HAPSTR1: variants seen among roughly 807,000 people sequenced by gnomAD.
HAPSTR1 encodes the protein HUWE1 associated protein modifying stress responses, also known as HUWE1-associated protein modifying stress responses 1.
the HAPSTR1 span, chr16:9,092,164 C>G: frequency 6.4e-7 from 1 of 1,569,322 alleles, no homozygotes; most frequent in East Asian, 2.3e-5. Flanking sequence ...AGCTGCCCCC[C>G]GAGCTGCAGG....
the HAPSTR1 span, among the ~76,000 whole-genome samples, chr16:9,116,085 A>G: frequency 1.3e-5 from 2 of 152,222 alleles, no homozygotes; most frequent in African/African-American, 4.8e-5. Context: ...TCCAGGGTAG[A>G]CTGACTTTGT....
At chr16:9,109,776 CAT>C in the HAPSTR1 span, 8 of 151,698 alleles carry the variant, frequency 5.3e-5, no homozygotes, top group African/African-American at 1.9e-4. Flanking sequence ...AATTTCAAAA[CAT>C]AAAGGAAAAA....
At chr16:9,116,850 T>A in the HAPSTR1 span, 1 of 1,614,170 alleles carries the variant, frequency 6.2e-7, no homozygotes. Context: ...AAAGCGTACC[T>A]CAGCCCAGTG....
At chr16:9,098,484 C>G in the HAPSTR1 span, among the ~76,000 whole-genome samples, 2 of 152,170 alleles carry the variant, frequency 1.3e-5, no homozygotes, top group Non-Finnish European at 1.5e-5. Flanking sequence ...TTTATTTTGG[C>G]TGTGACTTAG....
chr16:9,092,796 C>G, the HAPSTR1 span: 2 of 1,042,412 alleles, frequency 1.9e-6, no homozygotes, highest in Admixed American at 5.2e-5. Context: ...AACAAAATGG[C>G]GAAACCTAAT....
At chr16:9,103,211 T>C in the HAPSTR1 span, 1 of 1,614,214 alleles carries the variant, frequency 6.2e-7, no homozygotes, top group Non-Finnish European at 8.5e-7. Context: ...AACTAGCTCA[T>C]CTGTAGAGAC....
At chr16:9,101,601 G>A in the HAPSTR1 span, among the ~76,000 whole-genome samples, 1 of 152,026 alleles carries the variant, frequency 6.6e-6, no homozygotes, top group African/African-American at 2.4e-5. Flanking sequence ...CAATATCCTT[G>A]TTTTTCTTTG....
the HAPSTR1 span, among the ~76,000 whole-genome samples, chr16:9,098,673 A>C: frequency 3.0e-3 from 460 of 152,306 alleles, 1 homozygote; most frequent in African/African-American, 0.01. Flanking sequence ...CTCCCAAAAA[A>C]GAATAAAATA....
At chr16:9,119,509 A>G in the HAPSTR1 span, 1 of 152,218 alleles carries the variant, frequency 6.6e-6, no homozygotes, top group South Asian at 2.1e-4. Context: ...GGCAAGTTGA[A>G]GTTCATCCTT....
At chr16:9,098,965 A>T in the HAPSTR1 span, among the ~76,000 whole-genome samples, 1 of 152,168 alleles carries the variant, frequency 6.6e-6, no homozygotes, top group Admixed American at 6.5e-5. Flanking sequence ...TCAAAAAGCT[A>T]TAAGTAGAGT....
At chr16:9,103,276 A>G in the HAPSTR1 span, 1 of 1,601,560 alleles carries the variant, frequency 6.2e-7, no homozygotes, top group Non-Finnish European at 8.5e-7. Flanking sequence ...CCGTTTAAAC[A>G]TATTTCTTTG....
At chr16:9,111,885 T>G in the HAPSTR1 span, 1 of 144,742 alleles carries the variant, frequency 6.9e-6, no homozygotes, top group African/African-American at 2.7e-5. Context: ...TATTTCATAG[T>G]TGAGATCATA....
At chr16:9,114,179 G>A in the HAPSTR1 span, among the ~76,000 whole-genome samples, 1 of 152,034 alleles carries the variant, frequency 6.6e-6, no homozygotes, top group Non-Finnish European at 1.5e-5. Flanking sequence ...GTTCCTTTTT[G>A]ATGGTGTTGA....
At chr16:9,118,810 A>G in the HAPSTR1 span, 4 of 152,668 alleles carry the variant, frequency 2.6e-5, no homozygotes, top group Non-Finnish European at 4.4e-5. Context: ...CAGAACTCCT[A>G]TTCCTAAAAG....
the HAPSTR1 span, chr16:9,111,627 T>G: frequency 2.0e-5 from 3 of 152,168 alleles, no homozygotes; most frequent in Non-Finnish European, 4.4e-5. Context: ...TTTTTTTCAT[T>G]GCAGTGAAAA....
the HAPSTR1 span, chr16:9,092,211 A>G: frequency 1.9e-6 from 3 of 1,588,294 alleles, no homozygotes; most frequent in Admixed American, 1.8e-5. Context: ...GAGCACAAGC[A>G]GCAGAAGCTG....
At chr16:9,095,391 C>T in the HAPSTR1 span, among the ~76,000 whole-genome samples, 1 of 151,896 alleles carries the variant, frequency 6.6e-6, no homozygotes, top group African/African-American at 2.4e-5. Context: ...GTAAGTAGTA[C>T]TAAATTTAAA....
At chr16:9,110,324 G>C in the HAPSTR1 span, 1 of 152,142 alleles carries the variant, frequency 6.6e-6, no homozygotes, top group South Asian at 2.1e-4. Flanking sequence ...TATAAGGTTG[G>C]ATAGGAATGT....
the HAPSTR1 span, among the ~76,000 whole-genome samples, chr16:9,098,967 AAGTAG>A: frequency 5.9e-5 from 9 of 152,152 alleles, no homozygotes; most frequent in Non-Finnish European, 1.0e-4. Flanking sequence ...AAAAAGCTAT[AAGTAG>A]AGTAATCTGA....
Sources: gnomAD v4.1 joint callset for allele counts (sites outside exome capture counted in the v4.1 genomes callset) on GRCh38, gnomAD v4.1.1 for gene constraint, MANE v1.5 for transcripts, NCBI Gene and HGNC (gene_info 2026-07-23, HGNC 2026-07-21) for gene names.